Variants in RNF111 observed in about 807,000 individuals in gnomAD.
RNF111 encodes the protein E3 ubiquitin-protein ligase Arkadia.
A neutral mutation model predicts 95.1 loss-of-function variants in RNF111; 17 were observed. The observed-to-expected ratio is 0.18, with a 90% CI of 0.12 to 0.27. RNF111 has a LOEUF of 0.27. RNF111 is among the 10% of genes least tolerant of loss of function. RNF111 has a pLI of 1.00. For synonymous variants in RNF111, 440 were observed against 414.8 expected (o/e 1.06, Z -0.74); for missense variants, 1,189 against 1,210.4 (o/e 0.98, Z 0.26).
intron 2 of RNF111, among the ~76,000 whole-genome samples, chr15:59,041,961 A>ATTTTTTTTT (rs79347638): frequency 5.0e-5 from 5 of 100,100 alleles, no homozygotes; most frequent in East Asian, 2.9e-4. Context: ...GTCTGTTCAT[A>ATTTTTTTTT]TTTTTTTTTT....
At chr15:59,063,407 T>C (rs900500803) in intron 5 of RNF111, among the ~76,000 whole-genome samples, 5 of 152,194 alleles carry the variant, frequency 3.3e-5, no homozygotes, top group African/African-American at 4.8e-5. Flanking sequence ...ATAATCCTGC[T>C]AGAGTTACTG....
intron 1 of RNF111, among the ~76,000 whole-genome samples, chr15:59,027,763 C>A (rs1333091770): frequency 6.6e-5 from 10 of 151,382 alleles, no homozygotes; most frequent in African/African-American, 2.4e-4. Context: ...AAACTCCTAA[C>A]CTCAGGTGAT....
chr15:59,017,282 G>A (rs1028512849), intron 1 of RNF111, among the ~76,000 whole-genome samples: 5 of 152,062 alleles, frequency 3.3e-5, no homozygotes, highest in African/African-American at 1.2e-4. Flanking sequence ...TCCAGAGATC[G>A]TAAATGCGTC....
intron 1 of RNF111, among the ~76,000 whole-genome samples, chr15:59,000,642 G>C (rs531352240): frequency 6.6e-6 from 1 of 151,236 alleles, no homozygotes; most frequent in Non-Finnish European, 1.5e-5. Context: ...CTGGGAGGCA[G>C]ATGTTTCAGT....
At chr15:59,002,809 C>T (rs1368158149) in intron 1 of RNF111, among the ~76,000 whole-genome samples, 1 of 152,178 alleles carries the variant, frequency 6.6e-6, no homozygotes, top group South Asian at 2.1e-4. Context: ...GTTCTTTGCA[C>T]CTGTTAGGCA....
At chr15:59,042,057 T>TAA (rs2041485472) in intron 2 of RNF111, among the ~76,000 whole-genome samples, 1 of 151,566 alleles carries the variant, frequency 6.6e-6, no homozygotes, top group Non-Finnish European at 1.5e-5. Flanking sequence ...GCAATGTAAG[T>TAA]CCTATATAAT....
At chr15:59,059,839 C>T (rs1483022418) in intron 5 of RNF111, among the ~76,000 whole-genome samples, 2 of 152,202 alleles carry the variant, frequency 1.3e-5, no homozygotes, top group Non-Finnish European at 2.9e-5. Flanking sequence ...ACTGTAGACC[C>T]TGTAGCTTGT....
At position 59,096,167 on chromosome 15, in the gene RNF111, T is replaced by G. The variant is rs1305930041; in HGVS notation, c.*1267T>G. The G allele has an allele frequency of 2.5e-6, 1 of 397,862 alleles. No homozygotes were observed. Among genetic ancestry groups the G allele is most frequent in the African/African-American group, 2.1e-5 (1 of 48,604 alleles). The allele number at this position is 397,862 out of a possible 1,614,324, so 24.6% of individuals were successfully genotyped here. ...AGAATATAAAGTTAAGTTAACATAC[T>G]AACATTTCTCCTTTGGAGGAAGTTT... On this transcript the variant is annotated 3_prime_UTR_variant, in exon 14 of 14. Transcript: ENST00000348370.
intron 1 of RNF111, among the ~76,000 whole-genome samples, chr15:59,026,669 T>C (rs959965308): frequency 1.3e-5 from 2 of 152,184 alleles, no homozygotes; most frequent in African/African-American, 4.8e-5. Flanking sequence ...CCTTTTGAAC[T>C]TTCCTCTTCT....
In RNF111 at chr15:59,055,788, A is replaced by C. The variant is rs769160814; in HGVS notation, c.1114A>C (p.Ile372Leu). 1 of 1,614,058 alleles carries C rather than the reference A, an allele frequency of 6.2e-7. No individual in the cohort carries two copies. The highest frequency in any genetic ancestry group is 8.5e-7 in the Non-Finnish European group (1 of 1,179,952). The change falls in exon 4 of 14, where the codon ATA (isoleucine) becomes CTA (leucine). Residue 372 changes from isoleucine (I) to leucine (L), a missense_variant. Ile to Leu is a conservative substitution (Grantham distance 5). Coordinates refer to ENST00000348370, the MANE Select transcript of RNF111 (RefSeq NM_017610.8). ...PRNRSRISTV[I>L]QPLRQNAAEV... ...GAACCGCAGTAGGATTTCTACTGTT[A>C]TACAGCCCTTGAGGCAGAATGCAGC...
At position 58,996,649 on chromosome 15, in the gene RNF111, C is replaced by CTTTTTTTTTTT. The variant is rs60350601; in HGVS notation, c.-20+8600_-20+8610dup. Among the ~76,000 whole-genome samples, 198 of 100,756 alleles carry CTTTTTTTTTTT rather than the reference C, an allele frequency of 2.0e-3. 7 individuals carry two copies. Among genetic ancestry groups the CTTTTTTTTTTT allele is most frequent in the African/African-American group, 3.2e-3 (81 of 25,634 alleles). The allele number at this position is 100,756 out of a possible 152,430, so 66.1% of individuals were successfully genotyped here. On this transcript the variant is annotated intron_variant, in intron 1 of 13. Coordinates refer to ENST00000348370, the MANE Select transcript of RNF111 (RefSeq NM_017610.8). ...GTGATTGAAAACTCATCAGTACTTT[C>CTTTTTTTTTTT]TTTTTTTTTTTTTTTTTTTTTTTTT...
At chr15:59,068,873 G>A (rs1401475313) in intron 6 of RNF111, among the ~76,000 whole-genome samples, 7 of 151,372 alleles carry the variant, frequency 4.6e-5, no homozygotes, top group Non-Finnish European at 1.0e-4. Context: ...TCAGGAGTTC[G>A]AGACCAGCCT....
chr15:59,053,387 AC>A (rs1396379459), intron 3 of RNF111, among the ~76,000 whole-genome samples: 1 of 152,160 alleles, frequency 6.6e-6, no homozygotes, highest in Non-Finnish European at 1.5e-5. Context: ...TAATAATCTA[AC>A]GGATGAATCT....
intron 2 of RNF111, among the ~76,000 whole-genome samples, chr15:59,035,373 A>C (rs2041126810): frequency 6.6e-6 from 1 of 152,204 alleles, no homozygotes; most frequent in Non-Finnish European, 1.5e-5. Flanking sequence ...TTTACTCAAA[A>C]GTCCACAGTC....
rs560831323 is a variant in RNF111, at chr15:58,991,129, T to TA, written c.-20+3071dup. Among the ~76,000 whole-genome samples, 747 of 148,258 alleles carry TA rather than the reference T, an allele frequency of 5.0e-3. 3 individuals carry two copies. The highest frequency in any genetic ancestry group is 0.012 in the African/African-American group (480 of 40,472). On this transcript the variant is annotated intron_variant, in intron 1 of 13. Coordinates refer to ENST00000348370, the MANE Select transcript of RNF111 (RefSeq NM_017610.8). Reference sequence around the variant, plus strand: ...CAACATGGTGAAACCCCGTCTGTACTAAAAAAAAAATACAAAAATTAGCTG... The same window carrying TA: ...CAACATGGTGAAACCCCGTCTGTACTAAAAAAAAAAATACAAAAATTAGCTG...
chr15:59,094,706 A>T, intron 13 of RNF111, 77 bp from the exon 14 acceptor site: 1 of 817,756 alleles, frequency 1.2e-6, no homozygotes, highest in South Asian at 1.4e-5. Flanking sequence ...TTATTGAATT[A>T]TTACATATAT....
In RNF111 at chr15:59,072,601, C is replaced by T. The variant is rs184753931; in HGVS notation, c.1687-3353C>T. ...AAGTAGCTGGGACTACAGGTGCCCGCCACCACGCCTGGCTAATTTTTTTGT... is the reference window on the plus strand; with the variant it reads ...AAGTAGCTGGGACTACAGGTGCCCGTCACCACGCCTGGCTAATTTTTTTGT... On this transcript the variant is annotated intron_variant, in intron 6 of 13. Coordinates refer to ENST00000348370, the MANE Select transcript of RNF111 (RefSeq NM_017610.8). 1.3e-4 allele frequency among the ~76,000 whole-genome samples: 20 copies of T among 151,846 alleles called. No homozygotes were observed. In the East Asian group the frequency reaches 3.7e-3, roughly 28 times the overall value.
chr15:59,011,085 A>T (rs1310975414), intron 1 of RNF111, among the ~76,000 whole-genome samples: 2 of 152,070 alleles, frequency 1.3e-5, no homozygotes, highest in African/African-American at 4.8e-5. Flanking sequence ...CTTTCATATA[A>T]CTTGTTTTAT....
At chr15:59,000,636 G>A (rs1175444096) in intron 1 of RNF111, among the ~76,000 whole-genome samples, 2 of 151,496 alleles carry the variant, frequency 1.3e-5, no homozygotes, top group Non-Finnish European at 2.9e-5. Flanking sequence ...CTTGAACTGG[G>A]AGGCAGATGT....
Sources: allele counts gnomAD v4.1 joint callset (sites outside exome capture counted in the v4.1 genomes callset), GRCh38; gene constraint gnomAD v4.1.1; transcripts MANE v1.5; gene names NCBI Gene and HGNC (gene_info 2026-07-23, HGNC 2026-07-21).